Variants in KCNJ15 observed in about 807,000 individuals in gnomAD.
KCNJ15 encodes the protein potassium inwardly rectifying channel subfamily J member 15.
Under a neutral mutation model 23.0 loss-of-function variants are expected in KCNJ15, and 14 were observed. The ratio of observed to expected loss-of-function variants is 0.61; its 90% confidence interval spans 0.40 to 0.95. The LOEUF (loss-of-function observed/expected upper bound fraction) is 0.95. KCNJ15 is among the 40% of genes least tolerant of loss of function. The probability of loss-of-function intolerance (pLI) is 0.00; values close to 1 mark genes in which losing one functional copy is unlikely to be tolerated. For synonymous variants in KCNJ15, 185 were observed against 183.2 expected, an observed-to-expected ratio of 1.01 and a Z score of -0.08; for missense variants, 388 against 461.8, an observed-to-expected ratio of 0.84 and a Z score of 1.46.
At chr21:38,247,810 G>A (rs1286439191) in intron 1 of KCNJ15, among the ~76,000 whole-genome samples, 1 of 152,110 alleles carries the variant, frequency 6.6e-6, no homozygotes, top group Non-Finnish European at 1.5e-5. Flanking sequence ...CATTCACATG[G>A]TCCAGTGTGC....
chr21:38,300,054 A>G lies in KCNJ15; in HGVS notation c.793A>G (p.Arg265Gly). The stretch of plus-strand genomic sequence containing the variant: ...TGTGCTGGATGAGACGAGCCCCCTG[A>G]GAGACCTCACACCCCAAAACCTAAA... ...YHVLDETSPL[R>G]DLTPQNLKEK... The change falls in exon 3 of 3, where the codon AGA (arginine) becomes GGA (glycine). Residue 265 changes from arginine (R) to glycine (G), a missense_variant. Transcript: ENST00000398938. 6.2e-7 allele frequency: 1 copy of G among 1,614,102 alleles called. No homozygotes were observed. The highest frequency in any genetic ancestry group is 8.5e-7 in the Non-Finnish European group (1 of 1,180,014).
intron 1 of KCNJ15, among the ~76,000 whole-genome samples, chr21:38,261,596 G>T (rs959416360): frequency 6.6e-6 from 1 of 152,146 alleles, no homozygotes; most frequent in South Asian, 2.1e-4. Flanking sequence ...AATGTTTCTT[G>T]TTTCATTGGC....
At chr21:38,245,992 G>C (rs941974921) in intron 1 of KCNJ15, among the ~76,000 whole-genome samples, 1 of 152,214 alleles carries the variant, frequency 6.6e-6, no homozygotes, top group Non-Finnish European at 1.5e-5. Context: ...CCTTGGGCAA[G>C]TGACTTAATT....
intron 1 of KCNJ15, among the ~76,000 whole-genome samples, chr21:38,288,084 A>C (rs1166090766): frequency 9.9e-6 from 1 of 100,554 alleles, no homozygotes; most frequent in Non-Finnish European, 1.8e-5. Flanking sequence ...TCTGTTGCCC[A>C]GGCTGGAGTG....
In KCNJ15 at chr21:38,251,624, A is replaced by T. The variant is rs148085720; in HGVS notation, c.-398-5422A>T. On this transcript the variant is annotated intron_variant, in intron 1 of 4. Transcript: ENST00000547341. ...GTGCACTCAGTGCTAACAAATTAGG[A>T]TATCAGGCCTGTATTAATGCTTTCA... Among the ~76,000 whole-genome samples, 14 of 152,352 alleles carry T rather than the reference A, an allele frequency of 9.2e-5. 1 individual carries two copies. The highest frequency in any genetic ancestry group is 4.6e-4 in the Admixed American group (7 of 15,308).
At position 38,300,989 on chromosome 21, in the gene KCNJ15, A is replaced by G. The variant is rs1985737968; in HGVS notation, c.*600A>G. Reference sequence around the variant, plus strand: ...AATTGTATGGAAGGAAATTGATCAGATCTGTAATTCACAACTGTGGAAACC... The same window carrying G: ...AATTGTATGGAAGGAAATTGATCAGGTCTGTAATTCACAACTGTGGAAACC... On this transcript the variant is annotated 3_prime_UTR_variant, in exon 3 of 3. Transcript: ENST00000398938. 1 of 167,094 alleles carries G rather than the reference A, an allele frequency of 6.0e-6. No homozygotes were observed. Among genetic ancestry groups the G allele is most frequent in the African/African-American group, 2.4e-5 (1 of 41,458 alleles). The allele number at this position is 167,094 out of a possible 1,614,324, so 10.4% of individuals were successfully genotyped here. A position where few individuals can be genotyped will look rare whatever the true frequency, so the allele number is the denominator to read the frequency against.
upstream of KCNJ15, among the ~76,000 whole-genome samples, chr21:38,254,073 G>C (rs936161068): frequency 2.6e-5 from 4 of 152,174 alleles, no homozygotes; most frequent in African/African-American, 9.7e-5. Context: ...TTACTCATTG[G>C]ATGAGAGAGA....
intron 1 of KCNJ15, among the ~76,000 whole-genome samples, chr21:38,276,848 A>G (rs941601328): frequency 2.0e-5 from 3 of 152,188 alleles, no homozygotes; most frequent in Non-Finnish European, 4.4e-5. Flanking sequence ...ACATCCTAGG[A>G]GACAAAAGCA....
chr21:38,260,264 G>T (rs16996041), intron 1 of KCNJ15, among the ~76,000 whole-genome samples: 1 of 152,196 alleles, frequency 6.6e-6, no homozygotes, highest in African/African-American at 2.4e-5. Context: ...TCTGGAACAC[G>T]TCTCTGGATG....
At chr21:38,257,986 T>C (rs1980442755) in intron 1 of KCNJ15, among the ~76,000 whole-genome samples, 1 of 152,188 alleles carries the variant, frequency 6.6e-6, no homozygotes, top group Non-Finnish European at 1.5e-5. Flanking sequence ...AATGTAGTAT[T>C]TGACTGTGGA....
In KCNJ15 at chr21:38,300,536, C is replaced by T. The variant is rs1985690045; in HGVS notation, c.*147C>T. 1.5e-6 allele frequency: 1 copy of T among 663,918 alleles called. No individual in the cohort carries two copies. The highest frequency in any genetic ancestry group is 3.3e-5 in the Admixed American group (1 of 30,228). The allele number at this position is 663,918 out of a possible 1,614,324, so 41.1% of individuals were successfully genotyped here. On this transcript the variant is annotated 3_prime_UTR_variant, in exon 3 of 3. Coordinates refer to ENST00000398938, the MANE Select transcript of KCNJ15 (RefSeq NM_170736.3). ...TACAAAATCAATCTTTTCCTTTGATCTTGTGGCTAAACCAGCATTTCTGTG... is the reference window on the plus strand; with the variant it reads ...TACAAAATCAATCTTTTCCTTTGATTTTGTGGCTAAACCAGCATTTCTGTG...
chr21:38,291,022 A>G lies in KCNJ15; in HGVS notation c.-116-5904A>G, dbSNP rs1017786129. On this transcript the variant is annotated intron_variant, in intron 1 of 2. Coordinates refer to ENST00000398938, the MANE Select transcript of KCNJ15 (RefSeq NM_170736.3). ...CACACACACACACACACACACACAC[A>G]CACGTATATATAGCTACAGTTAAGC... is the stretch of plus-strand genomic sequence containing the variant. Among the ~76,000 whole-genome samples the G allele has an allele frequency of 1.2e-4, 18 of 149,484 alleles. No individual in the cohort carries two copies. The South Asian group carries it at 2.4e-3, about 20-fold the overall frequency.
At position 38,304,102 on chromosome 21, in the gene KCNJ15, ATTT is replaced by A. The variant is rs1353447538; in HGVS notation, c.*3715_*3717del. The A allele has an allele frequency of 6.7e-6, 1 of 149,288 alleles. No homozygotes were observed. The highest frequency in any genetic ancestry group is 1.5e-5 in the Non-Finnish European group (1 of 67,390). The allele number at this position is 149,288 out of a possible 1,614,324, so 9.2% of individuals were successfully genotyped here. A position where few individuals can be genotyped will look rare whatever the true frequency, so the allele number is the denominator to read the frequency against. On this transcript the variant is annotated 3_prime_UTR_variant, in exon 3 of 3. Coordinates refer to ENST00000398938, the MANE Select transcript of KCNJ15 (RefSeq NM_170736.3). ...GAAAATCAGCTTTTTATTTTTTTTAATTTTATTATTATTATACTTTAAGTTTTA... is the reference window on the plus strand; with the variant it reads ...GAAAATCAGCTTTTTATTTTTTTTAATATTATTATTATACTTTAAGTTTTA...
At chr21:38,231,260 C>A (rs4817928) in intron 1 of KCNJ15, among the ~76,000 whole-genome samples, 69,993 of 151,692 alleles carry the variant, frequency 0.46, 16,950 homozygotes, top group East Asian at 0.86. Flanking sequence ...CATTGCTAGC[C>A]TATAACAATG....
At chr21:38,259,949 T>A (rs879246466) in intron 1 of KCNJ15, among the ~76,000 whole-genome samples, 1 of 152,088 alleles carries the variant, frequency 6.6e-6, no homozygotes, top group East Asian at 1.9e-4. Flanking sequence ...AAGTGCTAAA[T>A]CTTCCCTAAA....
In KCNJ15 at chr21:38,306,625, G is replaced by A. The variant is rs1451751027; in HGVS notation, c.*6236G>A. 3 of 152,122 alleles carry A rather than the reference G, an allele frequency of 2.0e-5. No individual in the cohort carries two copies. Among genetic ancestry groups the A allele is most frequent in the African/African-American group, 4.8e-5 (2 of 41,420 alleles). 9.4% of individuals were successfully genotyped at this position (152,122 alleles called of 1,614,324 possible). Reference sequence around the variant, plus strand: ...TTACAGGAAGTATGACTGTATCAGCGGCTTTTTACAAAAACAAACCTCCAG... The same window carrying A: ...TTACAGGAAGTATGACTGTATCAGCAGCTTTTTACAAAAACAAACCTCCAG... On this transcript the variant is annotated 3_prime_UTR_variant, in exon 3 of 3. Transcript: ENST00000398938.
chr21:38,258,446 A>T (rs1376974879), intron 1 of KCNJ15, among the ~76,000 whole-genome samples: 1 of 152,154 alleles, frequency 6.6e-6, no homozygotes, highest in Non-Finnish European at 1.5e-5. Flanking sequence ...CATACCTTCT[A>T]GGGTTTTACT....
intron 1 of KCNJ15, among the ~76,000 whole-genome samples, chr21:38,264,541 A>G (rs1981261165): frequency 6.6e-6 from 1 of 152,262 alleles, no homozygotes. Context: ...TCTTCAAGCA[A>G]TATGTATTGA....
At chr21:38,266,176 T>C (rs919670125) in intron 1 of KCNJ15, among the ~76,000 whole-genome samples, 2 of 152,188 alleles carry the variant, frequency 1.3e-5, no homozygotes, top group African/African-American at 2.4e-5. Context: ...CTGGGATACA[T>C]GTGCAGAATG....
Sources: gnomAD v4.1 joint callset for allele counts (sites outside exome capture counted in the v4.1 genomes callset) on GRCh38, gnomAD v4.1.1 for gene constraint, MANE v1.5 for transcripts, NCBI Gene and HGNC (gene_info 2026-07-23, HGNC 2026-07-21) for gene names.